ASPH: variants seen among roughly 807,000 people sequenced by gnomAD.
ASPH encodes the protein aspartate beta-hydroxylase.
A neutral mutation model predicts 118.4 loss-of-function variants in ASPH; 100 were observed. The observed-to-expected ratio is 0.84, with a 90% CI of 0.72 to 1.00. The LOEUF is 1.00. Ranked by LOEUF, ASPH falls within the 50% of genes least tolerant of loss-of-function variation. The pLI is 0.00. For synonymous variants in ASPH, 315 were observed against 325.6 expected (o/e 0.97, Z 0.35); for missense variants, 920 against 919.5 (o/e 1.00, Z -0.01).
intron 2 of ASPH, chr8:61,682,488 A>G (rs1469486011): frequency 6.2e-7 from 1 of 1,612,172 alleles, no homozygotes; most frequent in Non-Finnish European, 8.5e-7. Context: ...CTTTGGCTGC[A>G]TGCATGTAAA....
Position 61,714,473 on chromosome 8 carries a change from G to C in ASPH, c.-102C>G. The C allele has an allele frequency of 7.4e-7, 1 of 1,353,236 alleles. No homozygotes were observed. Among genetic ancestry groups the C allele is most frequent in the African/African-American group, 1.5e-5 (1 of 65,162 alleles). 83.8% of individuals were successfully genotyped at this position (1,353,236 alleles called of 1,614,324 possible). ...GCTGGCGGCGGCGGGCCGCTGGAGC[G>C]GGTTCGGGCCGCTGCTCCTGCAGCA... On this transcript the variant is annotated 5_prime_UTR_variant, in exon 1 of 25. Coordinates refer to ENST00000379454, the MANE Select transcript of ASPH (RefSeq NM_004318.4).
intron 21 of ASPH, among the ~76,000 whole-genome samples, chr8:61,545,125 C>T (rs1823317480): frequency 6.6e-6 from 1 of 152,132 alleles, no homozygotes; most frequent in Admixed American, 6.5e-5. Context: ...ACGTTTGTGT[C>T]CCCCAAATTC....
intron 18 of ASPH, among the ~76,000 whole-genome samples, chr8:61,562,389 C>CTCTGTG (rs71257370): frequency 0.097 from 12,554 of 128,862 alleles, 696 homozygotes; most frequent in Non-Finnish European, 0.11. Flanking sequence ...GAAAGTGTGT[C>CTCTGTG]TGTGTGTGTG....
At chr8:61,646,359 A>C (rs1807985071) in intron 6 of ASPH, among the ~76,000 whole-genome samples, 1 of 152,210 alleles carries the variant, frequency 6.6e-6, no homozygotes, top group Non-Finnish European at 1.5e-5. Context: ...ACAGAAGCTA[A>C]GAATTGTGTT....
chr8:61,640,665 T>C (rs1040782553), intron 10 of ASPH, among the ~76,000 whole-genome samples: 8 of 152,212 alleles, frequency 5.3e-5, no homozygotes, highest in Admixed American at 2.0e-4. Flanking sequence ...TCTACTACCC[T>C]ACTAAAATAT....
chr8:61,563,093 G>T (rs932849877), intron 17 of ASPH, among the ~76,000 whole-genome samples: 1 of 151,734 alleles, frequency 6.6e-6, no homozygotes, highest in Non-Finnish European at 1.5e-5. Flanking sequence ...ATATGGTATT[G>T]ATTATAAACA....
At chr8:61,709,747 G>T (rs1406076307) in intron 1 of ASPH, among the ~76,000 whole-genome samples, 1 of 152,178 alleles carries the variant, frequency 6.6e-6, no homozygotes, top group Non-Finnish European at 1.5e-5. Flanking sequence ...TATTAAAACA[G>T]TGGCTGGAGT....
Position 61,517,441 on chromosome 8 carries a change from A to G in ASPH, c.2126+87T>C, listed in dbSNP as rs1051158607. ...CAGTCTACTTCAGCTACAAAAGAAGATAAGTAATCCAAAGGAACACAACTG... is the reference window on the plus strand; with the variant it reads ...CAGTCTACTTCAGCTACAAAAGAAGGTAAGTAATCCAAAGGAACACAACTG... On this transcript the variant is annotated intron_variant, in intron 24 of 24. Coordinates refer to ENST00000379454, the MANE Select transcript of ASPH (RefSeq NM_004318.4). 716 of 1,522,244 alleles carry G rather than the reference A, an allele frequency of 4.7e-4. 8 individuals are homozygous for G. The highest frequency in any genetic ancestry group is 3.9e-4 in the Admixed American group (21 of 53,822). The allele number at this position is 1,522,244 out of a possible 1,614,324, so 94.3% of individuals were successfully genotyped here.
chr8:61,637,222 C>G (rs539203918), intron 12 of ASPH, among the ~76,000 whole-genome samples: 2 of 152,082 alleles, frequency 1.3e-5, no homozygotes, highest in Non-Finnish European at 2.9e-5. Context: ...CACACCCCCA[C>G]GCAGAGTCAC....
chr8:61,705,053 C>T (rs1836251441), intron 1 of ASPH, among the ~76,000 whole-genome samples: 1 of 152,088 alleles, frequency 6.6e-6, no homozygotes, highest in African/African-American at 2.4e-5. Context: ...CAAAACTAGC[C>T]CAAGTGTCCA....
intron 14 of ASPH, among the ~76,000 whole-genome samples, chr8:61,607,948 G>A (rs559896816): frequency 2.6e-4 from 39 of 152,282 alleles, no homozygotes; most frequent in African/African-American, 8.7e-4. Flanking sequence ...AATCAGGGTG[G>A]AGAATGAGGA....
chr8:61,607,081 G>A (rs554288308), intron 14 of ASPH: 2 of 513,028 alleles, frequency 3.9e-6, no homozygotes, highest in South Asian at 5.4e-5. Context: ...TTTGTTCATA[G>A]TCTCTACCTC....
At chr8:61,576,254 T>C (rs1311510281) in intron 16 of ASPH, among the ~76,000 whole-genome samples, 1 of 152,124 alleles carries the variant, frequency 6.6e-6, no homozygotes, top group Non-Finnish European at 1.5e-5. Flanking sequence ...GGGGACATGC[T>C]TCATGAAAGG....
chr8:61,616,861 T>C (rs1849217181), intron 14 of ASPH, among the ~76,000 whole-genome samples: 1 of 152,202 alleles, frequency 6.6e-6, no homozygotes, highest in South Asian at 2.1e-4. Context: ...GTCTCCCTAC[T>C]GGGATGTGAG....
chr8:61,711,856 T>C (rs1467090929), intron 1 of ASPH, among the ~76,000 whole-genome samples: 1 of 149,578 alleles, frequency 6.7e-6, no homozygotes, highest in Non-Finnish European at 1.5e-5. Context: ...AAATTTCAAA[T>C]AGTGTTTCAA....
At chr8:61,514,017 TG>T (rs1340501838) in intron 24 of ASPH, among the ~76,000 whole-genome samples, 3 of 152,134 alleles carry the variant, frequency 2.0e-5, no homozygotes, top group Non-Finnish European at 4.4e-5. Flanking sequence ...TTTAAAGAGA[TG>T]GGGTCTCACT....
At chr8:61,584,861 C>A (rs968754472) in intron 14 of ASPH, among the ~76,000 whole-genome samples, 1 of 152,066 alleles carries the variant, frequency 6.6e-6, no homozygotes, top group Admixed American at 6.5e-5. Context: ...TCTTTATCTT[C>A]TTCTGTGAAA....
At chr8:61,542,142 G>A (rs931986873) in intron 21 of ASPH, among the ~76,000 whole-genome samples, 6 of 152,144 alleles carry the variant, frequency 3.9e-5, no homozygotes, top group African/African-American at 1.4e-4. Context: ...GTTTCATGTG[G>A]ACCTGAATTG....
intron 12 of ASPH, 129 bp from the exon 13 acceptor site, chr8:61,633,856 A>T (rs376136680): frequency 1.6e-6 from 1 of 636,368 alleles, no homozygotes; most frequent in East Asian, 3.1e-5. Flanking sequence ...AATTTTAATA[A>T]AAACATTAGG....
Sources: allele counts gnomAD v4.1 joint callset (sites outside exome capture counted in the v4.1 genomes callset), GRCh38; gene constraint gnomAD v4.1.1; transcripts MANE v1.5; gene names NCBI Gene and HGNC (gene_info 2026-07-23, HGNC 2026-07-21).